Variants in DENND2B observed in about 807,000 individuals in gnomAD.
DENND2B encodes the protein DENN domain-containing protein 2B.
DENND2B carries 32 observed loss-of-function variants against 116.0 expected under a neutral mutation model. The ratio of observed to expected loss-of-function variants is 0.28; its 90% CI spans 0.21 to 0.37. The LOEUF (loss-of-function observed/expected upper bound fraction) is 0.37, where lower values mean the gene tolerates loss of function less well. DENND2B is among the 10% of genes least tolerant of loss of function. DENND2B has a pLI of 1.00. For synonymous variants in DENND2B, 588 were observed against 583.9 expected (o/e 1.01, Z -0.10); for missense variants, 1,276 against 1,477.7 (o/e 0.86, Z 2.24).
At chr11:8,833,476 C>T (rs560843842) in intron 4 of DENND2B, among the ~76,000 whole-genome samples, 11 of 152,078 alleles carry the variant, frequency 7.2e-5, no homozygotes, top group Admixed American at 2.6e-4. Flanking sequence ...TTCTCATATA[C>T]GACCTGGACT....
chr11:8,754,631 T>C (rs1030673819), intron 1 of DENND2B, among the ~76,000 whole-genome samples: 3 of 152,244 alleles, frequency 2.0e-5, no homozygotes, highest in African/African-American at 7.2e-5. Context: ...TAAATGTTCA[T>C]AACAGAATTA....
chr11:8,823,511 G>A (rs971901505), intron 4 of DENND2B, among the ~76,000 whole-genome samples: 1 of 152,162 alleles, frequency 6.6e-6, no homozygotes, highest in Non-Finnish European at 1.5e-5. Flanking sequence ...AGGTGTCATG[G>A]GAAGGATCCA....
intron 1 of DENND2B, among the ~76,000 whole-genome samples, chr11:8,764,763 G>T (rs1435125240): frequency 6.6e-6 from 1 of 152,036 alleles, no homozygotes; most frequent in African/African-American, 2.4e-5. Context: ...TGACCAACAT[G>T]GTGAAGTCCT....
intron 9 of DENND2B, 145 bp from the exon 10 acceptor site, chr11:8,711,376 C>T (rs970170389): frequency 1.1e-5 from 7 of 660,708 alleles, no homozygotes; most frequent in South Asian, 1.7e-5. Context: ...CGAATTCTTA[C>T]AGAGCCCAGA....
At chr11:8,709,422 G>T (rs1164787144) in intron 11 of DENND2B, among the ~76,000 whole-genome samples, 1 of 152,260 alleles carries the variant, frequency 6.6e-6, no homozygotes, top group Non-Finnish European at 1.5e-5. Flanking sequence ...CTCTTCCCTG[G>T]GGGCAGCAGC....
chr11:8,756,258 G>A (rs1293681175), intron 1 of DENND2B, among the ~76,000 whole-genome samples: 1 of 152,206 alleles, frequency 6.6e-6, no homozygotes, highest in African/African-American at 2.4e-5. Context: ...GCTTTCAGGA[G>A]GGTAGACTCA....
intron 2 of DENND2B, among the ~76,000 whole-genome samples, chr11:8,880,384 T>TGTG (rs1566080061): frequency 6.7e-6 from 1 of 150,000 alleles, no homozygotes; most frequent in Non-Finnish European, 1.5e-5. Context: ...TGTGTGTGTG[T>TGTG]AGTTTTTACT....
chr11:8,906,368 T>A (rs962179764), intron 1 of DENND2B, among the ~76,000 whole-genome samples: 8 of 151,596 alleles, frequency 5.3e-5, no homozygotes. Flanking sequence ...CCCAGCTAAT[T>A]TTTTGTATTT....
At position 8,771,505 on chromosome 11, in the gene DENND2B, A is replaced by AAT. The variant is rs200291928; in HGVS notation, c.-25-20782_-25-20781dup. Among the ~76,000 whole-genome samples the AAT allele has an allele frequency of 5.6e-3, 713 of 127,864 alleles. 8 individuals carry two copies. Among genetic ancestry groups the AAT allele is most frequent in the African/African-American group, 0.021 (681 of 33,108 alleles). The allele number at this position is 127,864 out of a possible 152,430, so 83.9% of individuals were successfully genotyped here. On this transcript the variant is annotated intron_variant, in intron 1 of 19. Transcript: ENST00000313726. ...AGATATCTCTCTACATATAATAAGG[A>AAT]ATATATATATGTGTATATATATACA...
At chr11:8,796,090 C>A (rs2059786852) in intron 1 of DENND2B, among the ~76,000 whole-genome samples, 1 of 152,208 alleles carries the variant, frequency 6.6e-6, no homozygotes, top group African/African-American at 2.4e-5. Context: ...CCCTGCTCTG[C>A]CCTTCACAAA....
chr11:8,820,964 A>G (rs1052998562), intron 4 of DENND2B, among the ~76,000 whole-genome samples: 11 of 151,978 alleles, frequency 7.2e-5, no homozygotes, highest in Admixed American at 4.6e-4. Flanking sequence ...TATACCAAAA[A>G]TACAAAAATT....
intron 1 of DENND2B, among the ~76,000 whole-genome samples, chr11:8,788,295 G>C (rs1465610201): frequency 6.6e-6 from 1 of 152,094 alleles, no homozygotes; most frequent in Non-Finnish European, 1.5e-5. Context: ...GGGGCTCACT[G>C]CATTTCCTCT....
At chr11:8,776,272 G>A in intron 1 of DENND2B, 1 of 455,224 alleles carries the variant, frequency 2.2e-6, no homozygotes, top group Non-Finnish European at 4.4e-6. Flanking sequence ...TCAAATCACT[G>A]GCAGCCTGGA....
At chr11:8,749,963 A>G (rs1189140157) in intron 2 of DENND2B, among the ~76,000 whole-genome samples, 2 of 152,226 alleles carry the variant, frequency 1.3e-5, no homozygotes, top group Non-Finnish European at 2.9e-5. Context: ...CATCCTCAAA[A>G]GGGGGTTAAA....
chr11:8,695,327 G>A, intron 19 of DENND2B, 136 bp downstream of exon 19: 2 of 803,328 alleles, frequency 2.5e-6, no homozygotes, highest in Non-Finnish European at 4.1e-6. Context: ...AGTCACTATG[G>A]GATGTCTACA....
At chr11:8,888,657 T>C (rs1216663089) in intron 1 of DENND2B, among the ~76,000 whole-genome samples, 1 of 152,090 alleles carries the variant, frequency 6.6e-6, no homozygotes, top group Non-Finnish European at 1.5e-5. Flanking sequence ...ATGAGAGATA[T>C]TTCCAAATCA....
At chr11:8,874,947 G>A, upstream of DENND2B, among the ~76,000 whole-genome samples, 1 of 151,624 alleles carries the variant, frequency 6.6e-6, no homozygotes, top group Admixed American at 6.6e-5. Context: ...TTGGGGCTGT[G>A]GGGCCTTATT....
At chr11:8,752,238 A>G (rs2052654270) in intron 1 of DENND2B, among the ~76,000 whole-genome samples, 1 of 152,210 alleles carries the variant, frequency 6.6e-6, no homozygotes, top group Non-Finnish European at 1.5e-5. Flanking sequence ...AGTTCACTTG[A>G]GGTCAGGAGT....
rs1487805669 is a variant in DENND2B, at chr11:8,810,618, G to A, written c.-127C>T. 1 of 152,322 alleles carries A rather than the reference G, an allele frequency of 6.6e-6. No individual in the cohort carries two copies. The highest frequency in any genetic ancestry group is 2.4e-5 in the African/African-American group (1 of 41,470). 9.4% of individuals were successfully genotyped at this position (152,322 alleles called of 1,614,324 possible). A position where few individuals can be genotyped will look rare whatever the true frequency, so the allele number is the denominator to read the frequency against. On this transcript the variant is annotated 5_prime_UTR_variant, in exon 1 of 20. Coordinates refer to ENST00000313726, the MANE Select transcript of DENND2B (RefSeq NM_213618.2). ...ACTGGCTTAAGCTCCGATACCTGCTGCGAGCTTCCCACAGCTCCTTCCTCT... is the reference window on the plus strand; with the variant it reads ...ACTGGCTTAAGCTCCGATACCTGCTACGAGCTTCCCACAGCTCCTTCCTCT...
Sources: gnomAD v4.1 joint callset for allele counts (sites outside exome capture counted in the v4.1 genomes callset) on GRCh38, gnomAD v4.1.1 for gene constraint, MANE v1.5 for transcripts, NCBI Gene and HGNC (gene_info 2026-07-23, HGNC 2026-07-21) for gene names.